The following ARHGAP8 variants were observed in gnomAD, a reference collection of about 807,000 sequenced individuals.
The protein encoded by ARHGAP8 is Rho GTPase activating protein 8, also known as rho GTPase-activating protein 8.
Under a neutral mutation model 46.1 loss-of-function variants are expected in ARHGAP8, and 62 were observed. The observed-to-expected ratio is 1.34, with a 90% CI of 1.10 to 1.66. The LOEUF (loss-of-function observed/expected upper bound fraction) is 1.66, where lower values mean the gene tolerates loss of function less well. ARHGAP8 is among the 40% of genes most tolerant of loss of function. ARHGAP8 has a pLI of 0.00. For synonymous variants in ARHGAP8, 375 were observed against 243.1 expected (o/e 1.54, Z -5.05); for missense variants, 923 against 568.4 (o/e 1.62, Z -6.34).
Position 44,862,601 on chromosome 22 carries a change from C to T in ARHGAP8, c.*6C>T, listed in dbSNP as rs11183. ...CAGCCAGAAGACGTCTCTAGTGTTGCGAACACTCTGTATATTTCGAGCTAC... is the reference window on the plus strand; with the variant it reads ...CAGCCAGAAGACGTCTCTAGTGTTGTGAACACTCTGTATATTTCGAGCTAC... On this transcript the variant is annotated 3_prime_UTR_variant, in exon 12 of 12. Transcript: ENST00000356099. 1,190 of 1,555,992 alleles carry T rather than the reference C, an allele frequency of 7.6e-4. 9 individuals carry two copies. The African/African-American group carries it at 0.014, about 18-fold the overall frequency.
At chr22:44,828,813 G>T (rs1217257847) in intron 7 of ARHGAP8, among the ~76,000 whole-genome samples, 1 of 152,034 alleles carries the variant, frequency 6.6e-6, no homozygotes, top group Non-Finnish European at 1.5e-5. Flanking sequence ...TGTGTCTCCA[G>T]CCCGTTACTG....
chr22:44,824,499 C>T (rs1279678194), intron 6 of ARHGAP8, among the ~76,000 whole-genome samples: 1 of 152,212 alleles, frequency 6.6e-6, no homozygotes, highest in Non-Finnish European at 1.5e-5. Flanking sequence ...TCATGTGCCC[C>T]CCCATCCTGT....
intron 3 of ARHGAP8, among the ~76,000 whole-genome samples, chr22:44,805,472 G>T (rs546647503): frequency 2.6e-5 from 4 of 152,308 alleles, no homozygotes; most frequent in Admixed American, 6.5e-5. Flanking sequence ...CAACTAAATT[G>T]GACAAAAAGC....
At chr22:44,821,433 A>G (rs992071478) in intron 5 of ARHGAP8, among the ~76,000 whole-genome samples, 5 of 152,168 alleles carry the variant, frequency 3.3e-5, no homozygotes, top group Non-Finnish European at 7.3e-5. Context: ...CATCTCGAAA[A>G]AAAAAAAGTT....
chr22:44,762,541 CTCT>C (rs1408849870), intron 1 of ARHGAP8, among the ~76,000 whole-genome samples: 18 of 128,810 alleles, frequency 1.4e-4, no homozygotes, highest in South Asian at 2.7e-4. Flanking sequence ...CTCTCTCTCT[CTCT>C]TTTTTTTTTT....
chr22:44,840,599 C>G (rs149548982), intron 7 of ARHGAP8, among the ~76,000 whole-genome samples: 1 of 152,186 alleles, frequency 6.6e-6, no homozygotes, highest in Non-Finnish European at 1.5e-5. Context: ...AGTCTAAGAT[C>G]AAGGTGCCAC....
In ARHGAP8 at chr22:44,797,979, A is replaced by ATTTT. The variant is rs36101080; in HGVS notation, c.80-4084_80-4081dup. On this transcript the variant is annotated intron_variant, in intron 2 of 11. Coordinates refer to ENST00000356099, the MANE Select transcript of ARHGAP8 (RefSeq NM_181335.3). ...TGAGCCACCGCACCTGGCCAATAAG[A>ATTTT]TTTTTTTTTTTTTTTTTGAGACAAA... is the stretch of plus-strand genomic sequence containing the variant. Among the ~76,000 whole-genome samples, 251 of 128,634 alleles carry ATTTT rather than the reference A, an allele frequency of 2.0e-3. 1 individual carries two copies. The highest frequency in any genetic ancestry group is 2.6e-3 in the Non-Finnish European group (159 of 60,280). 84.4% of individuals were successfully genotyped at this position (128,634 alleles called of 152,430 possible). A position where few individuals can be genotyped will look rare whatever the true frequency, so the allele number is the denominator to read the frequency against.
chr22:44,755,684 T>A (rs1924613100), intron 1 of ARHGAP8, among the ~76,000 whole-genome samples: 1 of 152,232 alleles, frequency 6.6e-6, no homozygotes, highest in African/African-American at 2.4e-5. Flanking sequence ...AGGACCTGGC[T>A]GAGTGACTCT....
intron 11 of ARHGAP8, among the ~76,000 whole-genome samples, chr22:44,860,599 C>G (rs189480453): frequency 6.6e-6 from 1 of 150,914 alleles, no homozygotes; most frequent in Non-Finnish European, 1.5e-5. Context: ...CAGTCAGATT[C>G]TCTGTGGTCT....
rs867678242 is a variant in ARHGAP8 at position 44,801,374 on chromosome 22, A to G, written c.80-703A>G. Among the ~76,000 whole-genome samples, 92 of 33,076 alleles carry G rather than the reference A, an allele frequency of 2.8e-3. 1 individual carries two copies. The highest frequency in any genetic ancestry group is 7.6e-3 in the African/African-American group (59 of 7,808). 21.7% of individuals were successfully genotyped at this position (33,076 alleles called of 152,430 possible). A position where few individuals can be genotyped will look rare whatever the true frequency, so the allele number is the denominator to read the frequency against. On this transcript the variant is annotated intron_variant, in intron 2 of 11. Transcript: ENST00000356099. ...CCCGCAGCTGTCTATGTGTGGGGGC[A>G]CCTCTCCCCGCAGCTGTCCATGTGT...
In ARHGAP8 at chr22:44,761,144, C is replaced by T. The variant is rs571460611; in HGVS notation, c.-72+8517C>T. 1.6e-4 allele frequency among the ~76,000 whole-genome samples: 25 copies of T among 152,330 alleles called. No homozygotes were observed. The East Asian group carries it at 2.3e-3, about 14-fold the overall frequency. On this transcript the variant is annotated intron_variant, in intron 1 of 11. Coordinates refer to ENST00000356099, the MANE Select transcript of ARHGAP8 (RefSeq NM_181335.3). ...CAAATCCAGGCATGGGCTTGGTCCTCGTGAAACTTTGATCTGCTAAGGGAG... is the reference window on the plus strand; with the variant it reads ...CAAATCCAGGCATGGGCTTGGTCCTTGTGAAACTTTGATCTGCTAAGGGAG...
intron 7 of ARHGAP8, among the ~76,000 whole-genome samples, chr22:44,835,600 A>G (rs1303808286): frequency 6.6e-6 from 1 of 152,218 alleles, no homozygotes; most frequent in African/African-American, 2.4e-5. Flanking sequence ...CAGCATGGCA[A>G]CAGAGTGAGA....
At position 44,862,556 on chromosome 22, in the gene ARHGAP8, A is replaced by C. The variant is rs771250295; in HGVS notation, c.1263A>C (p.Leu421=). 2 of 1,597,888 alleles carry C rather than the reference A, an allele frequency of 1.3e-6. No individual in the cohort carries two copies. Among genetic ancestry groups the C allele is most frequent in the Non-Finnish European group, 8.6e-7 (1 of 1,167,762 alleles). ...CCACGGGCCTCACCAAGCCTACCCT[A>C]CCTCCGAGTCCCCTGATGGCAGCCA... ...TQATGLTKPT[L]PPSPLMAARR... is the part of the protein sequence containing the mutation. The change falls in exon 12 of 12, where the codon CTA becomes CTC. Residue 421 remains leucine (L), a synonymous_variant. Coordinates refer to ENST00000356099, the MANE Select transcript of ARHGAP8 (RefSeq NM_181335.3).
intron 1 of ARHGAP8, among the ~76,000 whole-genome samples, chr22:44,755,064 A>G (rs1171339072): frequency 6.6e-6 from 1 of 152,202 alleles, no homozygotes; most frequent in Admixed American, 6.5e-5. Context: ...CCAAATGGCC[A>G]TGAAACCCTC....
rs755935444 is a variant in ARHGAP8 at position 44,858,371 on chromosome 22, T to TTTC, written c.878-1358_878-1357insCTT. 6.4e-3 allele frequency among the ~76,000 whole-genome samples: 359 copies of TTTC among 56,438 alleles called. 6 individuals carry two copies. The East Asian group carries it at 0.47, about 74-fold the overall frequency. 37.0% of individuals were successfully genotyped at this position (56,438 alleles called of 152,430 possible). On this transcript the variant is annotated intron_variant, in intron 10 of 11. Coordinates refer to ENST00000356099, the MANE Select transcript of ARHGAP8 (RefSeq NM_181335.3). Reference sequence around the variant, plus strand: ...TGAATACTTGTTGGTTGGTGGTGGTTTTTTTTTTTTTTTGAGATGGAGTTT... The same window carrying TTTC: ...TGAATACTTGTTGGTTGGTGGTGGTTTTCTTTTTTTTTTTTTGAGATGGAGTTT...
intron 10 of ARHGAP8, among the ~76,000 whole-genome samples, chr22:44,857,506 A>G (rs1229319194): frequency 6.6e-6 from 1 of 152,200 alleles, no homozygotes; most frequent in East Asian, 1.9e-4. Context: ...CTTCGTAAGG[A>G]AACGAAGGCC....
intron 1 of ARHGAP8, among the ~76,000 whole-genome samples, chr22:44,760,576 C>T (rs1925055958): frequency 6.6e-6 from 1 of 152,228 alleles, no homozygotes; most frequent in East Asian, 1.9e-4. Flanking sequence ...TCTGTATGCC[C>T]TGCACATCGG....
chr22:44,845,361 C>T lies in ARHGAP8; in HGVS notation c.670+19C>T. ...GAGAAAGGTGAGACGGGGCCGGCTC[C>T]AGCTGGATGACGTGAGGGCTGCTGG... On this transcript the variant is annotated intron_variant, in intron 8 of 11. Coordinates refer to ENST00000356099, the MANE Select transcript of ARHGAP8 (RefSeq NM_181335.3). 1 of 1,613,922 alleles carries T rather than the reference C, an allele frequency of 6.2e-7. No individual in the cohort carries two copies. Among genetic ancestry groups the T allele is most frequent in the Non-Finnish European group, 8.5e-7 (1 of 1,179,962 alleles).
chr22:44,769,486 T>C (rs2147008266), intron 1 of ARHGAP8, among the ~76,000 whole-genome samples: 1 of 152,352 alleles, frequency 6.6e-6, no homozygotes, highest in East Asian at 1.9e-4. Context: ...TTAATTTCTG[T>C]GAAAAAGCCT....
Sources: gnomAD v4.1 joint callset for allele counts (sites outside exome capture counted in the v4.1 genomes callset) on GRCh38, gnomAD v4.1.1 for gene constraint, MANE v1.5 for transcripts, NCBI Gene and HGNC (gene_info 2026-07-23, HGNC 2026-07-21) for gene names.